Variants in FAM120A observed in about 807,000 individuals in gnomAD.
FAM120A encodes the protein constitutive coactivator of PPAR-gamma-like protein 1.
In FAM120A, 15 loss-of-function variants were observed where a neutral mutation model predicts 109.7. That is an observed-to-expected ratio of 0.14 (90% confidence interval 0.09 to 0.21). The LOEUF (loss-of-function observed/expected upper bound fraction) is 0.21. FAM120A is among the 10% of genes least tolerant of loss of function. The pLI is 1.00. For missense variants in FAM120A, 899 were observed against 1,439.3 expected (o/e 0.62, Z 6.07); for synonymous variants, 493 against 572.8 (o/e 0.86, Z 1.99).
In FAM120A at chr9:93,452,581, A is replaced by T. The variant is rs79629992; in HGVS notation, c.474+192A>T. ...GCGGGTGCAGGCCGCGCGCTGCCCA[A>T]GCCCGTCTCCAGCTGTCCCTGTTCG... On this transcript the variant is annotated intron_variant, in intron 1 of 17. Transcript: ENST00000277165. The surrounding 1 kb of genome is among the most constrained non-coding windows in gnomAD (Gnocchi z 7.0). The T allele has an allele frequency of 1.3e-6, 2 of 1,596,618 alleles. No individual in the cohort carries two copies. The highest frequency in any genetic ancestry group is 2.7e-5 in the African/African-American group (2 of 74,954).
chr9:93,505,130 G>A (rs1271296295), intron 5 of FAM120A, among the ~76,000 whole-genome samples: 2 of 132,940 alleles, frequency 1.5e-5, no homozygotes, highest in Non-Finnish European at 3.1e-5. Flanking sequence ...GCGCAATCTC[G>A]GCTCACTGCA....
intron 12 of FAM120A, among the ~76,000 whole-genome samples, chr9:93,554,120 TACACACACACACACACACACACACAC>T (rs10672125): frequency 2.2e-4 from 19 of 87,464 alleles, no homozygotes; most frequent in African/African-American, 4.7e-4. Flanking sequence ...GGCCATTTGA[TACACACACACACACACACACACACAC>T]ACACACACAC....
chr9:93,549,056 C>G (rs1032475189), intron 11 of FAM120A, among the ~76,000 whole-genome samples: 5 of 150,620 alleles, frequency 3.3e-5, no homozygotes, highest in Non-Finnish European at 7.4e-5. Flanking sequence ...AAAAACAAAA[C>G]AAAAACAAAC....
At chr9:93,464,814 A>C (rs1857943564) in intron 1 of FAM120A, among the ~76,000 whole-genome samples, 1 of 152,198 alleles carries the variant, frequency 6.6e-6, no homozygotes, top group South Asian at 2.1e-4. Flanking sequence ...TTGAAGGGCT[A>C]CCTGTAAGTA....
chr9:93,452,714 T>C lies in FAM120A; in HGVS notation c.474+325T>C. On this transcript the variant is annotated intron_variant, in intron 1 of 17. Transcript: ENST00000277165. This position sits in a 1 kb window ranked among gnomAD's most constrained non-coding sequence, Gnocchi z 7.0. ...AATATCCTTAGTTTTTCCCATCCTA[T>C]TTGAGGCGGGCAGGCTATCACTCAC... The C allele has an allele frequency of 6.3e-7, 1 of 1,598,464 alleles. No homozygotes were observed. Among genetic ancestry groups the C allele is most frequent in the Middle Eastern group, 1.7e-4 (1 of 6,060 alleles).
rs1001309616 is a variant in FAM120A at position 93,500,886 on chromosome 9, T to G, written c.1030+2000T>G. Among the ~76,000 whole-genome samples, 1 of 152,174 alleles carries G rather than the reference T, an allele frequency of 6.6e-6. No individual in the cohort carries two copies. Among genetic ancestry groups the G allele is most frequent in the Non-Finnish European group, 1.5e-5 (1 of 68,034 alleles). Reference sequence around the variant, plus strand: ...GCCTCCTGACCTCGAGCTCCCTATTTTATAGAATGGGGTCATTATGTGAAT... The same window carrying G: ...GCCTCCTGACCTCGAGCTCCCTATTGTATAGAATGGGGTCATTATGTGAAT... On this transcript the variant is annotated intron_variant, in intron 5 of 17. Coordinates refer to ENST00000277165, the MANE Select transcript of FAM120A (RefSeq NM_014612.5). This position sits in a 1 kb window ranked among gnomAD's most constrained non-coding sequence, Gnocchi z 4.6.
intron 7 of FAM120A, among the ~76,000 whole-genome samples, chr9:93,526,299 A>T (rs1861079497): frequency 6.6e-6 from 1 of 152,212 alleles, no homozygotes; most frequent in African/African-American, 2.4e-5. Context: ...CCTGAGGACT[A>T]TGGTAAACCC....
chr9:93,492,456 CA>C (rs547052576), intron 3 of FAM120A, among the ~76,000 whole-genome samples: 26 of 152,232 alleles, frequency 1.7e-4, no homozygotes, highest in African/African-American at 5.5e-4. Context: ...TCTCATGTGG[CA>C]GGGGTGGGGT....
intron 1 of FAM120A, among the ~76,000 whole-genome samples, chr9:93,466,256 A>T (rs1364536205): frequency 1.3e-5 from 2 of 151,998 alleles, no homozygotes. Flanking sequence ...TGTAGGGAAA[A>T]TGTGTCTCTT....
chr9:93,507,406 A>C (rs1306500565), intron 5 of FAM120A, among the ~76,000 whole-genome samples: 1 of 152,110 alleles, frequency 6.6e-6, no homozygotes, highest in East Asian at 1.9e-4. Flanking sequence ...GCAGATTTGG[A>C]GGATGGTTTT....
At chr9:93,556,713 C>T in intron 13 of FAM120A, 122 bp downstream of exon 13, 1 of 981,418 alleles carries the variant, frequency 1.0e-6, no homozygotes, top group Non-Finnish European at 1.5e-6. Flanking sequence ...TAGGTTGGGC[C>T]TGGTACTGAG....
At chr9:93,490,836 T>C (rs994727940) in intron 3 of FAM120A, among the ~76,000 whole-genome samples, 4 of 152,186 alleles carry the variant, frequency 2.6e-5, no homozygotes, top group Admixed American at 2.0e-4. Flanking sequence ...TTCACTGAAA[T>C]CAGTGGCTCT....
chr9:93,494,310 T>A (rs1859474470), intron 3 of FAM120A, among the ~76,000 whole-genome samples: 1 of 152,236 alleles, frequency 6.6e-6, no homozygotes, highest in South Asian at 2.1e-4. Flanking sequence ...AGGATGCACC[T>A]AAGTCACCGT....
chr9:93,487,192 C>T (rs543939153), intron 3 of FAM120A, among the ~76,000 whole-genome samples: 90 of 152,188 alleles, frequency 5.9e-4, no homozygotes, highest in African/African-American at 1.8e-3. Flanking sequence ...GACAGAGCCT[C>T]GCTCTGTCGC....
intron 5 of FAM120A, among the ~76,000 whole-genome samples, chr9:93,501,735 G>GA (rs1254769563): frequency 6.6e-6 from 1 of 152,226 alleles, no homozygotes. Flanking sequence ...GACAAGCCTG[G>GA]AGAGAGGCTT....
intron 11 of FAM120A, among the ~76,000 whole-genome samples, chr9:93,543,914 G>A (rs1277842735): frequency 6.6e-6 from 1 of 152,134 alleles, no homozygotes; most frequent in African/African-American, 2.4e-5. Flanking sequence ...GTATCATTAG[G>A]TGATTTTGTC....
chr9:93,497,506 C>T lies in FAM120A; in HGVS notation c.840C>T (p.Asp280=), dbSNP rs745807056. The part of the protein sequence containing the change: ...RAHQLVLPPC[D]VVIKAVADYV... ...ACCAGCTGGTCTTGCCACCTTGCGA[C>T]GTAGTGATCAAAGCCGTTGCTGACT... Residue 280 remains aspartate, a synonymous_variant, in exon 4 of 18, where the codon GAC becomes GAT. Transcript: ENST00000277165. 6.2e-6 allele frequency: 10 copies of T among 1,613,476 alleles called. No homozygotes were observed. Among genetic ancestry groups the T allele is most frequent in the South Asian group, 4.4e-5 (4 of 90,984 alleles).
chr9:93,480,760 C>T lies in FAM120A; in HGVS notation c.804+4422C>T, dbSNP rs1858764880. ...TAATAAGGAAAATACATTGAATATC[C>T]TTTCAATGTGTTTTTGGACTCAGTG... On this transcript the variant is annotated intron_variant, in intron 3 of 17. Coordinates refer to ENST00000277165, the MANE Select transcript of FAM120A (RefSeq NM_014612.5). 3.3e-5 allele frequency among the ~76,000 whole-genome samples: 5 copies of T among 151,982 alleles called. No individual in the cohort carries two copies. In the South Asian group the frequency reaches 1.0e-3, roughly 32 times the overall value.
chr9:93,537,255 TTC>T (rs553771878), intron 10 of FAM120A, among the ~76,000 whole-genome samples: 1 of 152,158 alleles, frequency 6.6e-6, no homozygotes, highest in Non-Finnish European at 1.5e-5. Context: ...GTCACTGGGG[TTC>T]TTTCTTTCCA....
Sources: allele counts gnomAD v4.1 joint callset (sites outside exome capture counted in the v4.1 genomes callset), GRCh38; gene constraint gnomAD v4.1.1; non-coding constraint Gnocchi (gnomAD v3.1); transcripts MANE v1.5; gene names NCBI Gene and HGNC (gene_info 2026-07-23, HGNC 2026-07-21).